Variants in ABCB4 observed in about 807,000 individuals in gnomAD.
The protein encoded by ABCB4 is phosphatidylcholine translocator ABCB4.
In ABCB4, 76 loss-of-function variants were observed where a neutral mutation model predicts 145.7. That is an observed-to-expected ratio of 0.52 (90% CI 0.43 to 0.63). The LOEUF (loss-of-function observed/expected upper bound fraction) is 0.63. Ranked by LOEUF, ABCB4 falls within the 30% of genes least tolerant of loss-of-function variation. ABCB4 has a pLI of 0.00. For missense variants in ABCB4, 1,234 were observed against 1,553.1 expected, an observed-to-expected ratio of 0.79 and a Z score of 3.45; for synonymous variants, 517 against 566.8, an observed-to-expected ratio of 0.91 and a Z score of 1.25.
intron 20 of ABCB4, among the ~76,000 whole-genome samples, chr7:87,417,726 C>T (rs897035119): frequency 4.6e-5 from 7 of 152,220 alleles, no homozygotes; most frequent in Non-Finnish European, 1.0e-4. Context: ...TCCTCTCCTG[C>T]CCACCTGAAC....
At chr7:87,372,616 A>C in the ABCB4 span, among the ~76,000 whole-genome samples, 1 of 152,176 alleles carries the variant, frequency 6.6e-6, no homozygotes, top group South Asian at 2.1e-4. Flanking sequence ...AAAAAAACCC[A>C]AAAGTTCTGA....
chr7:87,427,102 T>C (rs1809887200), intron 15 of ABCB4, among the ~76,000 whole-genome samples, 182 bp from the exon 16 acceptor site: 1 of 152,034 alleles, frequency 6.6e-6, no homozygotes, highest in African/African-American at 2.4e-5. Context: ...CTATAAAGTA[T>C]AGAAAGGTTA....
At chr7:87,474,011 G>A (rs1813620632) in intron 2 of ABCB4, among the ~76,000 whole-genome samples, 2 of 152,166 alleles carry the variant, frequency 1.3e-5, no homozygotes, top group Admixed American at 1.3e-4. Context: ...ATAAAAATTA[G>A]TTTCACTACA....
rs949833352 is a variant in ABCB4, at chr7:87,406,383, C to T, written c.3391G>A (p.Ala1131Thr). 1 of 1,614,038 alleles carries T rather than the reference C, an allele frequency of 6.2e-7. No homozygotes were observed. The highest frequency in any genetic ancestry group is 8.5e-7 in the Non-Finnish European group (1 of 1,180,010). Residue 1131 changes from alanine to threonine, a missense_variant, in exon 26 of 28, where the codon GCC becomes ACC. By Grantham distance (58) the Ala-to-Thr change is moderately conservative. This residue lies in a region of ABCB4 where 301 missense variants were observed against 389.0 expected (regional missense o/e 0.77). Transcript: ENST00000649586. ...LFDCSIAENIAYGDNSRVVSQ... is the reference protein window; with the variant it reads ...LFDCSIAENITYGDNSRVVSQ... ...ACAACCCGGCTGTTGTCTCCATAGG[C>T]AATATTCTCGGCAATGCTGCAGTCA...
At chr7:87,462,948 G>T (rs1054904714) in intron 3 of ABCB4, 40 bp from the exon 4 acceptor site, 16 of 1,559,266 alleles carry the variant, frequency 1.0e-5, no homozygotes, top group Non-Finnish European at 1.4e-5. Flanking sequence ...CTGTGGAATG[G>T]AATTTCTCCT....
chr7:87,383,790 C>T, the ABCB4 span, among the ~76,000 whole-genome samples: 559 of 152,196 alleles, frequency 3.7e-3, no homozygotes, highest in African/African-American at 0.013. Flanking sequence ...AGCCACCACG[C>T]CCGGCCCACA....
chr7:87,406,729 T>A (rs1808225889), intron 25 of ABCB4, among the ~76,000 whole-genome samples: 1 of 152,102 alleles, frequency 6.6e-6, no homozygotes. Flanking sequence ...TTGACCCTCT[T>A]TTTTCACACT....
At chr7:87,382,941 A>G in the ABCB4 span, among the ~76,000 whole-genome samples, 2 of 152,340 alleles carry the variant, frequency 1.3e-5, no homozygotes, top group South Asian at 2.1e-4. Flanking sequence ...AATACATCCT[A>G]AGAAGAAGTA....
At chr7:87,387,828 T>A in the ABCB4 span, among the ~76,000 whole-genome samples, 1 of 152,276 alleles carries the variant, frequency 6.6e-6, no homozygotes, top group African/African-American at 2.4e-5. Context: ...GGTGCATGCC[T>A]GTAATTCCAG....
rs375846939 is a variant in ABCB4, at chr7:87,426,750, A to G, written c.2064T>C (p.Leu688=). ...QKSLDVETDG[L]EANVPPVSFL... ...TTAATTTAAGTGAAAAACAACTTAC[A>G]AGTCCATCGGTTTCCACATCAAGGC... The change falls in exon 16 of 28, where the codon CTT becomes CTC. Residue 688 remains leucine, a splice_region_variant and synonymous_variant. Transcript: ENST00000649586. The G allele has an allele frequency of 8.1e-6, 13 of 1,613,588 alleles. No individual in the cohort carries two copies. The African/African-American group carries it at 9.3e-5, about 12-fold the overall frequency.
chr7:87,399,486 A>T (rs924885680), downstream of ABCB4: 1 of 152,214 alleles, frequency 6.6e-6, no homozygotes, highest in Non-Finnish European at 1.5e-5. Context: ...AAGAAGAAAA[A>T]AAGAGAAAAA....
intron 25 of ABCB4, among the ~76,000 whole-genome samples, chr7:87,407,759 G>C (rs1419110824): frequency 1.3e-5 from 2 of 152,184 alleles, no homozygotes; most frequent in African/African-American, 4.8e-5. Flanking sequence ...CAGTAAGTCA[G>C]TATTTGCTTA....
At chr7:87,381,879 T>C in the ABCB4 span, 1 of 1,451,572 alleles carries the variant, frequency 6.9e-7, no homozygotes, top group East Asian at 2.3e-5. Flanking sequence ...TGACATAAAG[T>C]ATTCAGAAAT....
At chr7:87,415,016 G>A (rs907614511) in intron 21 of ABCB4, among the ~76,000 whole-genome samples, 4 of 152,194 alleles carry the variant, frequency 2.6e-5, no homozygotes, top group Non-Finnish European at 4.4e-5. Flanking sequence ...TGGAGTCCAT[G>A]TTCCTAAGCC....
chr7:87,430,624 A>C (rs1810148995), intron 15 of ABCB4, among the ~76,000 whole-genome samples: 5 of 152,032 alleles, frequency 3.3e-5, no homozygotes, highest in Admixed American at 3.3e-4. Flanking sequence ...TCCCGGATTC[A>C]AGCGATTCTC....
chr7:87,406,876 C>G (rs752570611), intron 25 of ABCB4, among the ~76,000 whole-genome samples: 16 of 152,156 alleles, frequency 1.1e-4, no homozygotes, highest in Non-Finnish European at 2.1e-4. Context: ...ATTTCCCCTT[C>G]CCCCATGCAC....
intron 14 of ABCB4, among the ~76,000 whole-genome samples, chr7:87,436,622 C>A (rs1810625622): frequency 6.6e-6 from 1 of 152,224 alleles, no homozygotes; most frequent in East Asian, 1.9e-4. Context: ...AAAAGGAAAG[C>A]CCTCTTAGAG....
At position 87,408,081 on chromosome 7, in the gene ABCB4, C is replaced by T; in HGVS notation, c.3235G>A (p.Val1079Ile). Reference protein sequence around the residue: ...GSSGCGKSTVVQLLERFYDPL... With the variant: ...GSSGCGKSTVIQLLERFYDPL... ...TCGTAGAACCGCTCCAGGAGCTGGA[C>T]CACCGTGCTCTTCCCACAGCCACTG... The change falls in exon 25 of 28, where the codon GTC becomes ATC. Residue 1079 changes from valine (V) to isoleucine (I), a missense_variant. By Grantham distance (29) the Val-to-Ile change is conservative. Transcript: ENST00000649586. 6.2e-7 allele frequency: 1 copy of T among 1,614,210 alleles called. No individual in the cohort carries two copies. The highest frequency in any genetic ancestry group is 1.1e-5 in the South Asian group (1 of 91,084).
Position 87,439,715 on chromosome 7 carries a change from T to C in ABCB4, c.1683A>G (p.Ser561=), listed in dbSNP as rs553184787. The change falls in exon 14 of 28, where the codon TCA becomes TCG. Residue 561 remains serine (S), a synonymous_variant. Transcript: ENST00000649586. ...PKILLLDEAT[S]ALDTESEAEV... is the part of the protein sequence containing the mutation. Reference sequence around the variant, plus strand: ...CAGCTTCACTTTCTGTGTCCAATGCTGACGTGGCCTCATCCAGCAGAAGGA... The same window carrying C: ...CAGCTTCACTTTCTGTGTCCAATGCCGACGTGGCCTCATCCAGCAGAAGGA... 1.9e-6 allele frequency: 3 copies of C among 1,614,166 alleles called. No homozygotes were observed. Among genetic ancestry groups the C allele is most frequent in the East Asian group, 2.2e-5 (1 of 44,878 alleles).
Sources: gnomAD v4.1 joint callset for allele counts (sites outside exome capture counted in the v4.1 genomes callset) on GRCh38, gnomAD v4.1.1 for gene constraint, gnomAD v4.1.1 regional missense constraint, MANE v1.5 for transcripts, NCBI Gene and HGNC (gene_info 2026-07-23, HGNC 2026-07-21) for gene names.